Variants in KDM6A observed in about 807,000 individuals in gnomAD.
KDM6A encodes lysine demethylase 6A.
In KDM6A, 11 loss-of-function variants were observed where a neutral mutation model predicts 117.6. That is an observed-to-expected ratio of 0.09 (90% CI 0.06 to 0.15). The LOEUF (loss-of-function observed/expected upper bound fraction) is 0.15. Ranked by LOEUF, KDM6A falls within the 10% of genes least tolerant of loss-of-function variation. KDM6A has a pLI of 1.00. For missense variants in KDM6A, 799 were observed against 1,077.3 expected, an observed-to-expected ratio of 0.74 and a Z score of 3.62; for synonymous variants, 384 against 396.1, an observed-to-expected ratio of 0.97 and a Z score of 0.36.
In KDM6A at chrX:44,950,712, C is replaced by T. The variant is rs191381924; in HGVS notation, c.226-10572C>T. 9.9e-4 allele frequency among the ~76,000 whole-genome samples: 110 copies of T among 111,150 alleles called. 1 individual carries two copies. Among genetic ancestry groups the T allele is most frequent in the African/African-American group, 3.4e-3 (105 of 30,596 alleles). ...CTTGTTGACTATTGAGACAGTACAG[C>T]TTAGTTTGCTTTGTTGCAGCTGTAT... On this transcript the variant is annotated intron_variant, in intron 2 of 29. Coordinates refer to ENST00000611820, the MANE Select transcript of KDM6A (RefSeq NM_001291415.2).
chrX:45,033,275 A>G (rs762953420), intron 6 of KDM6A, among the ~76,000 whole-genome samples: 6 of 112,353 alleles, frequency 5.3e-5, no homozygotes, highest in Non-Finnish European at 7.5e-5. Context: ...CTCTATTGCT[A>G]TGGTAGCACA....
intron 2 of KDM6A, among the ~76,000 whole-genome samples, chrX:44,923,522 T>C (rs1315537980): frequency 1.9e-5 from 2 of 105,241 alleles, no homozygotes; most frequent in African/African-American, 6.9e-5. Flanking sequence ...TCTTTTGCAG[T>C]GTCTAATCTT....
chrX:45,038,595 G>T (rs186672180), intron 8 of KDM6A, among the ~76,000 whole-genome samples: 64 of 106,083 alleles, frequency 6.0e-4, no homozygotes, highest in Non-Finnish European at 4.4e-4. Context: ...AACACATTTG[G>T]GGGGGGGTGG....
intron 2 of KDM6A, among the ~76,000 whole-genome samples, chrX:44,916,916 G>A (rs2035596521): frequency 9.1e-6 from 1 of 109,401 alleles, no homozygotes; most frequent in Admixed American, 9.8e-5. Flanking sequence ...CAAAGTGTTG[G>A]GATTACAGGC....
chrX:44,907,226 T>C (rs1262234081), intron 2 of KDM6A, among the ~76,000 whole-genome samples: 2 of 112,427 alleles, frequency 1.8e-5, no homozygotes, highest in Non-Finnish European at 3.8e-5. Flanking sequence ...TTCTCTCATA[T>C]GTATGTAAGC....
intron 2 of KDM6A, among the ~76,000 whole-genome samples, chrX:44,948,362 A>G (rs2037786742): frequency 8.9e-6 from 1 of 111,927 alleles, no homozygotes; most frequent in Non-Finnish European, 1.9e-5. Flanking sequence ...CTTTGGTTGT[A>G]GAATATAAAT....
chrX:45,069,471 T>C, intron 17 of KDM6A, 108 bp from the exon 18 acceptor site: 1 of 750,948 alleles, frequency 1.3e-6, no homozygotes, highest in Non-Finnish European at 1.9e-6. Context: ...CAAATTATCT[T>C]ATACAGTTAG....
intron 4 of KDM6A, among the ~76,000 whole-genome samples, chrX:45,000,474 A>G (rs1341078492): frequency 9.0e-6 from 1 of 111,627 alleles, no homozygotes; most frequent in Non-Finnish European, 1.9e-5. Flanking sequence ...CCAGGGTGAA[A>G]GGGATAGCCA....
chrX:45,067,653 G>GTTTTTTTTTTTTTTT (rs1192862756), intron 17 of KDM6A, among the ~76,000 whole-genome samples: 1 of 83,304 alleles, frequency 1.2e-5, no homozygotes, highest in Non-Finnish European at 2.3e-5. Flanking sequence ...TCTTTTTTTT[G>GTTTTTTTTTTTTTTT]TTTTTTTTTT....
Position 45,084,417 on chromosome X carries a change from G to A in KDM6A, c.3589+809G>A, listed in dbSNP as rs192134726. Among the ~76,000 whole-genome samples, 54 of 111,660 alleles carry A rather than the reference G, an allele frequency of 4.8e-4. No homozygotes were observed. In the South Asian group the frequency reaches 0.017, roughly 35 times the overall value. ...TGATGACCAGTTCAGCTGTACCAATGTACTTGGGGCTGCAGGTCTCCCTCA... is the reference window on the plus strand; with the variant it reads ...TGATGACCAGTTCAGCTGTACCAATATACTTGGGGCTGCAGGTCTCCCTCA... On this transcript the variant is annotated intron_variant, in intron 24 of 29. Coordinates refer to ENST00000611820, the MANE Select transcript of KDM6A (RefSeq NM_001291415.2).
At chrX:45,010,811 C>G (rs2041720618) in intron 4 of KDM6A, 150 bp from the exon 5 acceptor site, 1 of 430,041 alleles carries the variant, frequency 2.3e-6, no homozygotes, top group Non-Finnish European at 4.0e-6. Flanking sequence ...GCCATCTGAT[C>G]ACTGTTATTT....
intron 2 of KDM6A, among the ~76,000 whole-genome samples, chrX:44,891,119 C>T (rs1231302257): frequency 9.1e-6 from 1 of 110,405 alleles, no homozygotes; most frequent in Non-Finnish European, 1.9e-5. Context: ...TTCTCCCGCT[C>T]GCTCTATAAC....
intron 5 of KDM6A, among the ~76,000 whole-genome samples, chrX:45,015,278 T>C (rs1267581454): frequency 9.1e-6 from 1 of 109,517 alleles, no homozygotes; most frequent in Non-Finnish European, 1.9e-5. Context: ...GCCTGGCTAA[T>C]TTTTTGTATT....
intron 18 of KDM6A, among the ~76,000 whole-genome samples, 154 bp downstream of exon 18, chrX:45,070,511 T>TTGTAG (rs2044771630): frequency 8.9e-6 from 1 of 111,899 alleles, no homozygotes; most frequent in Admixed American, 9.5e-5. Flanking sequence ...TGCTTAGATG[T>TTGTAG]TGTAGTCAAA....
chrX:45,044,133 A>C (rs930029718), intron 8 of KDM6A, among the ~76,000 whole-genome samples: 1 of 112,273 alleles, frequency 8.9e-6, no homozygotes, highest in Non-Finnish European at 1.9e-5. Flanking sequence ...GTATACTCTG[A>C]TGTTTGCACA....
chrX:44,992,936 A>G (rs1044261036), intron 4 of KDM6A, among the ~76,000 whole-genome samples: 5 of 112,117 alleles, frequency 4.5e-5, no homozygotes, highest in African/African-American at 1.6e-4. Context: ...ATAGTTGTCA[A>G]TGCCTATGCA....
intron 28 of KDM6A, 113 bp downstream of exon 28, chrX:45,107,649 G>A: frequency 1.4e-6 from 1 of 719,749 alleles, no homozygotes; most frequent in Admixed American, 3.1e-5. Context: ...CCAGTTTATA[G>A]TAATTAACAT....
rs969084765 is a variant in KDM6A, at chrX:45,007,690, A to C, written c.385-3271A>C. ...ATAACAAGGAATACAGGCAGTGATCACTCCTGCCTTTATGGCATTTTTATT... is the reference window on the plus strand; with the variant it reads ...ATAACAAGGAATACAGGCAGTGATCCCTCCTGCCTTTATGGCATTTTTATT... On this transcript the variant is annotated intron_variant, in intron 4 of 29. Coordinates refer to ENST00000611820, the MANE Select transcript of KDM6A (RefSeq NM_001291415.2). Among the ~76,000 whole-genome samples, 4 of 111,864 alleles carry C rather than the reference A, an allele frequency of 3.6e-5. 1 individual carries two copies. Among genetic ancestry groups the C allele is most frequent in the Non-Finnish European group, 7.5e-5 (4 of 53,154 alleles).
chrX:45,103,670 G>A (rs780726745), intron 27 of KDM6A, among the ~76,000 whole-genome samples: 2 of 111,484 alleles, frequency 1.8e-5, no homozygotes, highest in African/African-American at 6.5e-5. Flanking sequence ...AAATTCTATC[G>A]CTCTTTAAGC....
Sources: allele counts gnomAD v4.1 joint callset (sites outside exome capture counted in the v4.1 genomes callset), GRCh38; gene constraint gnomAD v4.1.1; transcripts MANE v1.5; gene names NCBI Gene and HGNC (gene_info 2026-07-23, HGNC 2026-07-21).